DKK2: variants seen among roughly 807,000 people sequenced by gnomAD.
DKK2 encodes the protein dickkopf Wnt signaling pathway inhibitor 2.
A neutral mutation model predicts 28.1 loss-of-function variants in DKK2; 11 were observed. That is an observed-to-expected ratio of 0.39 (90% CI 0.25 to 0.65). DKK2 has a LOEUF of 0.65. Ranked by LOEUF, DKK2 falls within the 30% of genes least tolerant of loss-of-function variation. DKK2 has a pLI of 0.47. For synonymous variants in DKK2, 135 were observed against 126.5 expected, an observed-to-expected ratio of 1.07 and a Z score of -0.45; for missense variants, 326 against 335.5, an observed-to-expected ratio of 0.97 and a Z score of 0.22.
At chr4:106,955,373 T>C (rs1722574636) in intron 1 of DKK2, among the ~76,000 whole-genome samples, 1 of 152,204 alleles carries the variant, frequency 6.6e-6, no homozygotes, top group Admixed American at 6.5e-5. Context: ...AAAGACATTT[T>C]GTAAACAGAC....
chr4:106,973,558 C>A (rs1238447583), intron 1 of DKK2, among the ~76,000 whole-genome samples: 1 of 152,134 alleles, frequency 6.6e-6, no homozygotes, highest in Admixed American at 6.5e-5. Flanking sequence ...TCTTCATAAC[C>A]TTCACACACT....
intron 1 of DKK2, among the ~76,000 whole-genome samples, chr4:106,940,551 C>T (rs1165586861): frequency 8.0e-5 from 12 of 150,660 alleles, no homozygotes; most frequent in East Asian, 3.9e-4. Context: ...GTCAGTGTGG[C>T]GATTCCTCAG....
At chr4:106,934,198 G>A (rs150880345) in intron 1 of DKK2, among the ~76,000 whole-genome samples, 71 of 152,008 alleles carry the variant, frequency 4.7e-4, no homozygotes, top group African/African-American at 1.7e-3. Flanking sequence ...ACAGAGGAAA[G>A]GAAAAAACTT....
chr4:107,021,129 C>T (rs1723685748), intron 1 of DKK2, among the ~76,000 whole-genome samples: 1 of 152,148 alleles, frequency 6.6e-6, no homozygotes, highest in African/African-American at 2.4e-5. Flanking sequence ...CAATTATAAT[C>T]ACAATGCTGA....
intron 1 of DKK2, among the ~76,000 whole-genome samples, chr4:107,030,724 T>C (rs545747077): frequency 2.0e-5 from 3 of 152,166 alleles, no homozygotes; most frequent in Admixed American, 6.5e-5. Flanking sequence ...ATGGTAAATA[T>C]GTTAACTATT....
Position 106,923,633 on chromosome 4 carries a change from C to T in DKK2, c.*321G>A, listed in dbSNP as rs543498106. On this transcript the variant is annotated 3_prime_UTR_variant, in exon 4 of 4. Transcript: ENST00000285311. ...GAAGGAAACCTCTCCTCCAGCACAA[C>T]CTAAACTCTTGGAAAGTCACATGCT... The T allele has an allele frequency of 1.5e-5, 4 of 263,004 alleles. No individual in the cohort carries two copies. In the East Asian group the frequency reaches 2.7e-4, roughly 18 times the overall value. 16.3% of individuals were successfully genotyped at this position (263,004 alleles called of 1,614,324 possible). A position where few individuals can be genotyped will look rare whatever the true frequency, so the allele number is the denominator to read the frequency against.
intron 1 of DKK2, among the ~76,000 whole-genome samples, chr4:106,933,280 A>G (rs1471805920): frequency 6.6e-6 from 1 of 152,222 alleles, no homozygotes; most frequent in Non-Finnish European, 1.5e-5. Flanking sequence ...GCAACTCAGT[A>G]TTACCTCCAG....
At chr4:107,007,552 G>A (rs900601344) in intron 1 of DKK2, among the ~76,000 whole-genome samples, 1 of 152,058 alleles carries the variant, frequency 6.6e-6, no homozygotes, top group South Asian at 2.1e-4. Context: ...GGGTGTGATG[G>A]TGCTACAGTT....
chr4:107,015,407 C>A lies in DKK2; in HGVS notation c.222+19963G>T, dbSNP rs572730755. The stretch of plus-strand genomic sequence containing the variant: ...CATTTTTACTGGATTGTTTATCTCT[C>A]TTGTAACTCCTTATTGATTTATAGG... On this transcript the variant is annotated intron_variant, in intron 1 of 3. Coordinates refer to ENST00000285311, the MANE Select transcript of DKK2 (RefSeq NM_014421.3). Among the ~76,000 whole-genome samples the A allele has an allele frequency of 5.9e-5, 9 of 151,640 alleles. 1 individual carries two copies. The highest frequency in any genetic ancestry group is 5.9e-4 in the Admixed American group (9 of 15,200).
In DKK2 at chr4:106,928,755, C is replaced by G. The variant is rs369826476; in HGVS notation, c.223-2806G>C. On this transcript the variant is annotated intron_variant, in intron 1 of 3. Transcript: ENST00000285311. ...TAATATGGTTCTAACCCATTAATAA[C>G]AATTCTCATGTCTTACTAAGCATAA... Among the ~76,000 whole-genome samples the G allele has an allele frequency of 6.6e-5, 10 of 152,228 alleles. No individual in the cohort carries two copies. The East Asian group carries it at 1.3e-3, about 21-fold the overall frequency.
intron 1 of DKK2, among the ~76,000 whole-genome samples, chr4:106,956,779 G>A (rs1448182302): frequency 1.3e-5 from 2 of 151,396 alleles, no homozygotes; most frequent in Non-Finnish European, 2.9e-5. Flanking sequence ...TTAAACATTA[G>A]ACCTAAAACC....
intron 1 of DKK2, among the ~76,000 whole-genome samples, chr4:106,954,697 AT>A (rs1304922919): frequency 1.3e-5 from 2 of 151,624 alleles, no homozygotes; most frequent in African/African-American, 4.8e-5. Context: ...ATTTTTTTGT[AT>A]TTTTAGTAGA....
chr4:106,935,530 G>T lies in DKK2; in HGVS notation c.223-9581C>A, dbSNP rs190213492. On this transcript the variant is annotated intron_variant, in intron 1 of 3. Transcript: ENST00000285311. The stretch of plus-strand genomic sequence containing the variant: ...AGATCAAACTGCAAGGCGGCAGCGA[G>T]GCTGGGTGAGGGGCGCCTGCCATTG... Among the ~76,000 whole-genome samples the T allele has an allele frequency of 4.9e-3, 752 of 152,344 alleles. 3 individuals carry two copies. Among genetic ancestry groups the T allele is most frequent in the African/African-American group, 0.017 (701 of 41,588 alleles).
chr4:106,934,017 T>C (rs1211081361), intron 1 of DKK2, among the ~76,000 whole-genome samples: 3 of 151,012 alleles, frequency 2.0e-5, no homozygotes, highest in Non-Finnish European at 4.4e-5. Context: ...TATATACATA[T>C]ATACACACAC....
rs371044817 is a variant in DKK2, at chr4:106,956,348, T to C, written c.223-30399A>G. ...TGCCCAAGGTAATTTATAGATTCAATGCCATCCCCATCAAGCTACCAATGA... is the reference window on the plus strand; with the variant it reads ...TGCCCAAGGTAATTTATAGATTCAACGCCATCCCCATCAAGCTACCAATGA... On this transcript the variant is annotated intron_variant, in intron 1 of 3. Transcript: ENST00000285311. Among the ~76,000 whole-genome samples the C allele has an allele frequency of 6.0e-3, 907 of 152,240 alleles. 11 individuals are homozygous for C. The highest frequency in any genetic ancestry group is 0.02 in the African/African-American group (846 of 41,536).
chr4:107,000,411 A>T (rs1723342405), intron 1 of DKK2, among the ~76,000 whole-genome samples: 1 of 152,188 alleles, frequency 6.6e-6, no homozygotes, highest in African/African-American at 2.4e-5. Flanking sequence ...AATTTATATC[A>T]TCAGTTTTGT....
intron 1 of DKK2, among the ~76,000 whole-genome samples, chr4:107,019,251 C>G (rs903918775): frequency 1.1e-4 from 17 of 152,014 alleles, no homozygotes; most frequent in African/African-American, 4.1e-4. Context: ...AAGTGGTCTT[C>G]TCACTTAACG....
At chr4:106,929,936 A>G (rs1056332671) in intron 1 of DKK2, among the ~76,000 whole-genome samples, 2 of 152,114 alleles carry the variant, frequency 1.3e-5, no homozygotes, top group Non-Finnish European at 2.9e-5. Flanking sequence ...AAGAGCAATT[A>G]ATAGTGAGAG....
chr4:106,980,284 T>C (rs1723009544), intron 1 of DKK2, among the ~76,000 whole-genome samples: 1 of 152,112 alleles, frequency 6.6e-6, no homozygotes, highest in African/African-American at 2.4e-5. Flanking sequence ...CATATATTAA[T>C]TTATATCTAT....
Sources: allele counts gnomAD v4.1 joint callset (sites outside exome capture counted in the v4.1 genomes callset), GRCh38; gene constraint gnomAD v4.1.1; transcripts MANE v1.5; gene names NCBI Gene and HGNC (gene_info 2026-07-23, HGNC 2026-07-21).